The following COL22A1 variants were observed in gnomAD, a reference collection of about 807,000 sequenced individuals.
COL22A1 encodes collagen alpha-1(XXII) chain.
In COL22A1, 221 loss-of-function variants were observed where a neutral mutation model predicts 248.9. The ratio of observed to expected loss-of-function variants is 0.89; its 90% CI spans 0.80 to 0.99. COL22A1 has a LOEUF of 0.99. Among genes scored for constraint, COL22A1 ranks in the 50% least tolerant of loss-of-function variants. COL22A1 has a pLI of 0.00. For missense variants in COL22A1, 2,240 were observed against 2,179.0 expected (o/e 1.03, Z -0.56); for synonymous variants, 891 against 793.4 (o/e 1.12, Z -2.07).
chr8:138,600,888 A>G (rs750816986), intron 60 of COL22A1, among the ~76,000 whole-genome samples: 4 of 152,184 alleles, frequency 2.6e-5, no homozygotes, highest in Non-Finnish European at 4.4e-5. Context: ...TATCTCATGC[A>G]TGGTACAGAA....
chr8:138,658,582 C>G lies in COL22A1; in HGVS notation c.3285+1854G>C, dbSNP rs554265442. ...GAATTGAGTGCTGTCTGCACAACTT[C>G]ACTGGGAGAGGACAAATGGAAGCTT... On this transcript the variant is annotated intron_variant, in intron 44 of 64. Transcript: ENST00000303045. Among the ~76,000 whole-genome samples, 81 of 152,336 alleles carry G rather than the reference C, an allele frequency of 5.3e-4. 4 individuals are homozygous for G. Among genetic ancestry groups the G allele is most frequent in the Admixed American group, 5.3e-3 (81 of 15,310 alleles).
chr8:138,807,942 T>G, intron 9 of COL22A1, 130 bp from the exon 10 acceptor site: 1 of 841,494 alleles, frequency 1.2e-6, no homozygotes, highest in Non-Finnish European at 1.9e-6. Context: ...GACCAATGAG[T>G]TGGGCAAGGA....
At chr8:138,685,136 A>AT in intron 38 of COL22A1, 72 bp downstream of exon 38, 9 of 1,099,984 alleles carry the variant, frequency 8.2e-6, no homozygotes, top group Non-Finnish European at 1.2e-5. Flanking sequence ...TGGCAGTTAG[A>AT]TTTTTTTCCT....
intron 62 of COL22A1, among the ~76,000 whole-genome samples, chr8:138,595,576 C>T (rs1587626333): frequency 6.6e-6 from 1 of 152,262 alleles, no homozygotes; most frequent in Non-Finnish European, 1.5e-5. Flanking sequence ...TTCTCCCACC[C>T]AAAACCCACT....
chr8:138,700,737 C>T (rs1827887577), intron 31 of COL22A1, among the ~76,000 whole-genome samples: 1 of 152,206 alleles, frequency 6.6e-6, no homozygotes, highest in African/African-American at 2.4e-5. Flanking sequence ...GAAATCCCAG[C>T]ACTTTGGGAG....
intron 42 of COL22A1, among the ~76,000 whole-genome samples, chr8:138,662,864 C>T (rs1385850518): frequency 3.3e-5 from 5 of 152,182 alleles, no homozygotes; most frequent in Non-Finnish European, 7.3e-5. Flanking sequence ...AGCCCTGTAG[C>T]CCTGTGCTGG....
At chr8:138,718,309 G>A (rs751957469) in intron 27 of COL22A1, among the ~76,000 whole-genome samples, 14 of 152,088 alleles carry the variant, frequency 9.2e-5, no homozygotes, top group South Asian at 2.1e-4. Context: ...GCAAATACTC[G>A]TCACTCAAAT....
chr8:138,657,961 GT>G (rs34168529), intron 44 of COL22A1, among the ~76,000 whole-genome samples: 22,179 of 151,970 alleles, frequency 0.15, 2,741 homozygotes, highest in African/African-American at 0.33. Context: ...ATTTTTTACT[GT>G]TTTTTTCCCC....
chr8:138,671,696 C>T (rs145820005), intron 41 of COL22A1, among the ~76,000 whole-genome samples: 220 of 152,298 alleles, frequency 1.4e-3, no homozygotes, highest in Middle Eastern at 3.4e-3. Context: ...AGAGAAAAGT[C>T]GTCATATTAC....
chr8:138,730,719 G>A (rs1454104179), intron 23 of COL22A1, among the ~76,000 whole-genome samples: 2 of 152,102 alleles, frequency 1.3e-5, no homozygotes, highest in East Asian at 1.9e-4. Context: ...AGAGGTGCTC[G>A]AAGGCCACGG....
chr8:138,834,641 T>C (rs2131828006), intron 4 of COL22A1, among the ~76,000 whole-genome samples: 1 of 152,236 alleles, frequency 6.6e-6, no homozygotes, highest in East Asian at 1.9e-4. Context: ...TTATTTCATC[T>C]GTAAAAAGGG....
At chr8:138,806,167 ATGGTGTAAGTAATGGTGTGT>A in intron 10 of COL22A1, among the ~76,000 whole-genome samples, 7 of 3,832 alleles carry the variant, frequency 1.8e-3, no homozygotes, top group African/African-American at 3.9e-3. Flanking sequence ...TGTGTGTGTG[ATGGTGTAAGTAATGGTGTGT>A]GATGGTGTGT....
At chr8:138,618,471 A>G (rs1400056510) in intron 53 of COL22A1, among the ~76,000 whole-genome samples, 2 of 152,158 alleles carry the variant, frequency 1.3e-5, no homozygotes, top group African/African-American at 4.8e-5. Flanking sequence ...CACTCCAATA[A>G]GCCAAGAACC....
At chr8:138,841,647 C>T (rs1435683934) in intron 4 of COL22A1, among the ~76,000 whole-genome samples, 2 of 152,092 alleles carry the variant, frequency 1.3e-5, no homozygotes, top group Admixed American at 6.5e-5. Context: ...ATTCTAGGAG[C>T]CAAGGAATCC....
chr8:138,870,755 G>T (rs115957231), intron 3 of COL22A1, among the ~76,000 whole-genome samples: 63 of 151,764 alleles, frequency 4.2e-4, no homozygotes, highest in African/African-American at 1.5e-3. Flanking sequence ...ATGTGTGTAT[G>T]CATATAGTAT....
chr8:138,603,455 G>A (rs1393972146), intron 59 of COL22A1, among the ~76,000 whole-genome samples: 1 of 152,172 alleles, frequency 6.6e-6, no homozygotes, highest in Non-Finnish European at 1.5e-5. Flanking sequence ...GGGAGAAGGT[G>A]GAGATATACT....
chr8:138,650,495 G>A (rs914581212), intron 45 of COL22A1, among the ~76,000 whole-genome samples: 8 of 152,126 alleles, frequency 5.3e-5, no homozygotes, highest in Non-Finnish European at 7.3e-5. Flanking sequence ...AGCACACTAT[G>A]TGCCAAATAA....
chr8:138,869,358 T>C (rs1391828419), intron 3 of COL22A1, among the ~76,000 whole-genome samples: 5 of 152,232 alleles, frequency 3.3e-5, no homozygotes, highest in Non-Finnish European at 7.3e-5. Context: ...TGGTGCAAGC[T>C]GCCCGGAGCC....
chr8:138,630,191 T>G (rs190166464), intron 50 of COL22A1, among the ~76,000 whole-genome samples: 13 of 152,302 alleles, frequency 8.5e-5, no homozygotes, highest in Admixed American at 8.5e-4. Context: ...AGCCTTCGGT[T>G]CAAATGCCAA....
Sources: gnomAD v4.1 joint callset for allele counts (sites outside exome capture counted in the v4.1 genomes callset) on GRCh38, gnomAD v4.1.1 for gene constraint, MANE v1.5 for transcripts, NCBI Gene and HGNC (gene_info 2026-07-23, HGNC 2026-07-21) for gene names.